Variants in ADAM12 observed in about 807,000 individuals in gnomAD.
ADAM12 encodes the protein disintegrin and metalloproteinase domain-containing protein 12.
Under a neutral mutation model 106.4 loss-of-function variants are expected in ADAM12, and 70 were observed. That is an observed-to-expected ratio of 0.66 (90% CI 0.54 to 0.80). The LOEUF is 0.80. Ranked by LOEUF, ADAM12 falls within the 30% of genes least tolerant of loss-of-function variation. The pLI, the probability that ADAM12 is intolerant of heterozygous loss-of-function variation, is 0.00. For missense variants in ADAM12, 1,010 were observed against 1,171.9 expected, an observed-to-expected ratio of 0.86 and a Z score of 2.02; for synonymous variants, 420 against 433.5, an observed-to-expected ratio of 0.97 and a Z score of 0.39.
At chr10:126,325,509 A>T (rs925975415) in intron 2 of ADAM12, among the ~76,000 whole-genome samples, 8 of 152,242 alleles carry the variant, frequency 5.3e-5, no homozygotes, top group Non-Finnish European at 1.2e-4. Flanking sequence ...TGTCATTTTA[A>T]TTAGCTGCTA....
At chr10:126,290,849 C>T (rs76218887) in intron 2 of ADAM12, among the ~76,000 whole-genome samples, 2,951 of 152,254 alleles carry the variant, frequency 0.019, 48 homozygotes, top group Admixed American at 0.049. Context: ...ACTATGTGTA[C>T]GACCAATCAT....
At chr10:126,194,278 C>CAAAAA (rs35778124) in intron 3 of ADAM12, among the ~76,000 whole-genome samples, 3 of 58,052 alleles carry the variant, frequency 5.2e-5, no homozygotes, top group Non-Finnish European at 7.8e-5. Context: ...TTCATATGCT[C>CAAAAA]AAAAAAAAAA....
At chr10:126,226,985 C>A (rs1046918109) in intron 3 of ADAM12, among the ~76,000 whole-genome samples, 1 of 152,128 alleles carries the variant, frequency 6.6e-6, no homozygotes, top group African/African-American at 2.4e-5. Flanking sequence ...AACTGCTTAT[C>A]GTACAGCAGA....
chr10:126,144,062 A>C (rs577966292), intron 4 of ADAM12, among the ~76,000 whole-genome samples: 9 of 152,322 alleles, frequency 5.9e-5, no homozygotes, highest in African/African-American at 2.2e-4. Context: ...AACAAGAACC[A>C]TGTCTGGTTA....
At chr10:126,213,877 C>T (rs1957942280) in intron 3 of ADAM12, among the ~76,000 whole-genome samples, 1 of 152,218 alleles carries the variant, frequency 6.6e-6, no homozygotes, top group Non-Finnish European at 1.5e-5. Flanking sequence ...CTTCCATAGA[C>T]ATAGCAAAAG....
chr10:126,192,852 C>T (rs1041872533), intron 3 of ADAM12, among the ~76,000 whole-genome samples: 1 of 152,234 alleles, frequency 6.6e-6, no homozygotes, highest in African/African-American at 2.4e-5. Flanking sequence ...TCTAGAGCTG[C>T]GGGTTTCTAC....
chr10:126,038,478 A>G (rs1435066262), intron 19 of ADAM12, 129 bp from the exon 20 acceptor site: 22 of 632,876 alleles, frequency 3.5e-5, no homozygotes, highest in Non-Finnish European at 1.3e-5. Context: ...CATGCAAAGG[A>G]AAAATTACCT....
intron 3 of ADAM12, among the ~76,000 whole-genome samples, chr10:126,162,969 G>A: frequency 6.6e-6 from 1 of 152,108 alleles, no homozygotes; most frequent in East Asian, 1.9e-4. Context: ...GTAAGAATGA[G>A]TTTTTGCAAG....
At chr10:126,135,508 G>T in intron 5 of ADAM12, 76 bp downstream of exon 5, 1 of 1,421,308 alleles carries the variant, frequency 7.0e-7, no homozygotes, top group Non-Finnish European at 9.9e-7. Flanking sequence ...CAGTGCTTTA[G>T]CACGAGCAGG....
chr10:126,225,359 T>G (rs993774284), intron 3 of ADAM12, among the ~76,000 whole-genome samples: 5 of 152,230 alleles, frequency 3.3e-5, no homozygotes, highest in Non-Finnish European at 7.3e-5. Context: ...AGCTGAATGC[T>G]CTCTGCAAAG....
At chr10:126,133,401 A>G (rs1268426054) in intron 5 of ADAM12, among the ~76,000 whole-genome samples, 2 of 152,248 alleles carry the variant, frequency 1.3e-5, no homozygotes, top group African/African-American at 4.8e-5. Flanking sequence ...GACACAGATC[A>G]CTAACAAAAT....
In ADAM12 at chr10:126,257,975, G is replaced by A. The variant is rs184008023; in HGVS notation, c.260+20940C>T. On this transcript the variant is annotated intron_variant, in intron 3 of 22. Transcript: ENST00000448723. ...CTACTCTATTTGGCAACCTCAAATA[G>A]AATTGGCCTCTCAATTTTCACAATG... 2.6e-3 allele frequency among the ~76,000 whole-genome samples: 390 copies of A among 152,244 alleles called. 2 individuals are homozygous for A. The highest frequency in any genetic ancestry group is 4.0e-3 in the Non-Finnish European group (273 of 68,012).
intron 6 of ADAM12, among the ~76,000 whole-genome samples, chr10:126,114,385 A>C (rs2133612039): frequency 6.6e-6 from 1 of 152,364 alleles, no homozygotes; most frequent in Non-Finnish European, 1.5e-5. Flanking sequence ...AGGAATCCAC[A>C]CCTGGAAAAC....
At chr10:126,116,025 T>C (rs1955975835) in intron 6 of ADAM12, among the ~76,000 whole-genome samples, 2 of 152,244 alleles carry the variant, frequency 1.3e-5, no homozygotes, top group African/African-American at 4.8e-5. Context: ...CCCTTTTCAA[T>C]TTAAAGGTTC....
intron 3 of ADAM12, among the ~76,000 whole-genome samples, chr10:126,156,417 T>C (rs1956816728): frequency 6.6e-6 from 1 of 152,238 alleles, no homozygotes; most frequent in African/African-American, 2.4e-5. Flanking sequence ...CCCCTTCATT[T>C]ACATAGGGCG....
chr10:126,198,036 T>C (rs1274908358), intron 3 of ADAM12, among the ~76,000 whole-genome samples: 1 of 152,222 alleles, frequency 6.6e-6, no homozygotes, highest in Non-Finnish European at 1.5e-5. Context: ...CAAATTAACA[T>C]CACTGTTTCC....
chr10:126,135,311 T>C (rs1359854009), intron 5 of ADAM12: 8 of 431,744 alleles, frequency 1.9e-5, no homozygotes, highest in Non-Finnish European at 3.3e-5. Context: ...AATGCTTGGA[T>C]GTAGAAACTC....
intron 2 of ADAM12, among the ~76,000 whole-genome samples, chr10:126,303,532 A>G (rs1446816023): frequency 6.6e-6 from 1 of 152,206 alleles, no homozygotes; most frequent in East Asian, 1.9e-4. Flanking sequence ...ATTCAGGGCA[A>G]TTAAGAAAAT....
chr10:126,233,009 G>A (rs902989439), intron 3 of ADAM12, among the ~76,000 whole-genome samples: 39 of 152,222 alleles, frequency 2.6e-4, no homozygotes, highest in African/African-American at 9.2e-4. Context: ...ATTGCATTTG[G>A]GGTGTGCGTG....
Sources: gnomAD v4.1 joint callset for allele counts (sites outside exome capture counted in the v4.1 genomes callset) on GRCh38, gnomAD v4.1.1 for gene constraint, MANE v1.5 for transcripts, NCBI Gene and HGNC (gene_info 2026-07-23, HGNC 2026-07-21) for gene names.